VMP1: variants seen among roughly 807,000 people sequenced by gnomAD.
The protein encoded by VMP1 is ectopic P-granules autophagy protein 3 homolog.
VMP1 carries 11 observed loss-of-function variants against 56.0 expected under a neutral mutation model. The ratio of observed to expected loss-of-function variants is 0.20; its 90% CI spans 0.12 to 0.32. The LOEUF (loss-of-function observed/expected upper bound fraction) is 0.32. VMP1 is among the 10% of genes least tolerant of loss of function. The pLI is 1.00. For synonymous variants in VMP1, 149 were observed against 165.0 expected (o/e 0.90, Z 0.74); for missense variants, 296 against 490.3 (o/e 0.60, Z 3.74).
At position 59,719,284 on chromosome 17, in the gene VMP1, A is replaced by G. The variant is rs73994233; in HGVS notation, c.-27+11536A>G. 4.3e-3 allele frequency among the ~76,000 whole-genome samples: 649 copies of G among 151,576 alleles called. 2 individuals carry two copies. Among genetic ancestry groups the G allele is most frequent in the African/African-American group, 0.015 (619 of 41,280 alleles). On this transcript the variant is annotated intron_variant, in intron 1 of 11. Coordinates refer to ENST00000262291, the MANE Select transcript of VMP1 (RefSeq NM_030938.5). ...TGGTGACCTGTGACCATGCTACTGC[A>G]CTCTAGCCTGAGTGACAGAGGAAGA...
Position 59,738,817 on chromosome 17 carries a change from A to T in VMP1, c.304-20A>T, listed in dbSNP as rs2035106932. 6.5e-7 allele frequency: 1 copy of T among 1,541,274 alleles called. No homozygotes were observed. The highest frequency in any genetic ancestry group is 2.3e-5 in the East Asian group (1 of 44,346). ...TCTGTATAGAGAATTCACGGTTTTC[A>T]CCTCATCCCTTTTTTTCAGTATGTG... is the stretch of plus-strand genomic sequence containing the variant. On this transcript the variant is annotated intron_variant, in intron 4 of 11. Transcript: ENST00000262291.
In VMP1 at chr17:59,840,103, C is replaced by G. The variant is rs998055343; in HGVS notation, c.*192C>G. The G allele has an allele frequency of 1.6e-6, 1 of 609,400 alleles. No homozygotes were observed. The highest frequency in any genetic ancestry group is 2.7e-6 in the Non-Finnish European group (1 of 370,804). 37.7% of individuals were successfully genotyped at this position (609,400 alleles called of 1,614,324 possible). A position where few individuals can be genotyped will look rare whatever the true frequency, so the allele number is the denominator to read the frequency against. ...TCTGTGCTAAGGTAAGGTATCCACC[C>G]TCGATGCAATCCACCTTGTGTTTTC... On this transcript the variant is annotated 3_prime_UTR_variant, in exon 12 of 12. Transcript: ENST00000262291.
At chr17:59,750,136 A>G (rs756056999) in intron 5 of VMP1, among the ~76,000 whole-genome samples, 1 of 152,096 alleles carries the variant, frequency 6.6e-6, no homozygotes, top group African/African-American at 2.4e-5. Flanking sequence ...GACCTAATCT[A>G]TATATAGCTT....
chr17:59,789,352 T>C (rs997280926), intron 7 of VMP1, among the ~76,000 whole-genome samples: 1 of 148,414 alleles, frequency 6.7e-6, no homozygotes, highest in Non-Finnish European at 1.5e-5. Context: ...CTGGCCAATA[T>C]GGTGAAACCC....
chr17:59,727,775 C>G (rs191115514), intron 1 of VMP1, among the ~76,000 whole-genome samples: 2 of 152,294 alleles, frequency 1.3e-5, no homozygotes, highest in East Asian at 3.9e-4. Flanking sequence ...TTTATAGTCA[C>G]ACATGCATGC....
chr17:59,746,016 T>C (rs986523545), intron 5 of VMP1, among the ~76,000 whole-genome samples: 4 of 152,246 alleles, frequency 2.6e-5, no homozygotes, highest in African/African-American at 9.6e-5. Flanking sequence ...GTGGAAGGTA[T>C]CTTTTTTGGA....
At chr17:59,804,996 A>G (rs1216652738) in intron 7 of VMP1, among the ~76,000 whole-genome samples, 4 of 152,220 alleles carry the variant, frequency 2.6e-5, no homozygotes, top group Non-Finnish European at 5.9e-5. Flanking sequence ...TAAATACATA[A>G]TAAAATTTGT....
intron 7 of VMP1, among the ~76,000 whole-genome samples, chr17:59,796,139 A>G (rs1040232498): frequency 2.0e-5 from 3 of 152,118 alleles, no homozygotes; most frequent in African/African-American, 7.2e-5. Flanking sequence ...TTCCATACAC[A>G]TACCCTAAAT....
intron 7 of VMP1, among the ~76,000 whole-genome samples, chr17:59,788,448 C>T (rs2037086674): frequency 6.6e-6 from 1 of 151,490 alleles, no homozygotes; most frequent in Admixed American, 6.6e-5. Context: ...GATCCCACCA[C>T]TGCACTCCAG....
At chr17:59,788,263 C>T (rs1467215507) in intron 7 of VMP1, among the ~76,000 whole-genome samples, 2 of 151,532 alleles carry the variant, frequency 1.3e-5, no homozygotes, top group African/African-American at 2.4e-5. Flanking sequence ...CTGAGGGGGA[C>T]GGATCACAAA....
intron 1 of VMP1, among the ~76,000 whole-genome samples, chr17:59,716,764 C>G (rs961289547): frequency 1.2e-4 from 18 of 146,580 alleles, no homozygotes; most frequent in Non-Finnish European, 2.6e-4. Context: ...ATCCAAAACT[C>G]TACCCTTGTG....
chr17:59,832,533 CCTT>C (rs1486001567), intron 10 of VMP1, among the ~76,000 whole-genome samples: 3 of 151,882 alleles, frequency 2.0e-5, no homozygotes, highest in African/African-American at 4.8e-5. Flanking sequence ...CATTTGTTCT[CCTT>C]CTACTTTATG....
At position 59,840,126 on chromosome 17, in the gene VMP1, T is replaced by C; in HGVS notation, c.*215T>C. ...CCCTCGATGCAATCCACCTTGTGTTTTCTTAGGGTGGAATGTGATGTTCAG... is the reference window on the plus strand; with the variant it reads ...CCCTCGATGCAATCCACCTTGTGTTCTCTTAGGGTGGAATGTGATGTTCAG... On this transcript the variant is annotated 3_prime_UTR_variant, in exon 12 of 12. Transcript: ENST00000262291. 1.9e-6 allele frequency: 1 copy of C among 532,764 alleles called. No homozygotes were observed. Among genetic ancestry groups the C allele is most frequent in the Non-Finnish European group, 3.2e-6 (1 of 313,888 alleles). 33.0% of individuals were successfully genotyped at this position (532,764 alleles called of 1,614,324 possible). A position where few individuals can be genotyped will look rare whatever the true frequency, so the allele number is the denominator to read the frequency against.
intron 5 of VMP1, among the ~76,000 whole-genome samples, chr17:59,739,723 C>CAA (rs35210425): frequency 3.0e-3 from 126 of 41,530 alleles, no homozygotes; most frequent in African/African-American, 0.011. Context: ...GACTCTGTCT[C>CAA]AAAAAAAAAA....
At chr17:59,711,344 T>C (rs900728722) in intron 1 of VMP1, among the ~76,000 whole-genome samples, 1 of 152,180 alleles carries the variant, frequency 6.6e-6, no homozygotes, top group Non-Finnish European at 1.5e-5. Context: ...TCGGAGATGA[T>C]AGTTCTAGGT....
intron 1 of VMP1, among the ~76,000 whole-genome samples, chr17:59,723,626 CTCTTT>C (rs1454113431): frequency 6.6e-6 from 1 of 152,100 alleles, no homozygotes; most frequent in Non-Finnish European, 1.5e-5. Flanking sequence ...ATGTCGGCAA[CTCTTT>C]TGAGCACTGT....
chr17:59,723,532 G>A (rs929097985), intron 1 of VMP1, among the ~76,000 whole-genome samples: 5 of 152,142 alleles, frequency 3.3e-5, no homozygotes, highest in Non-Finnish European at 5.9e-5. Flanking sequence ...CTTCACAAAA[G>A]CAATTTATTT....
intron 6 of VMP1, among the ~76,000 whole-genome samples, chr17:59,771,903 A>G (rs1218646469): frequency 2.0e-5 from 3 of 151,846 alleles, no homozygotes; most frequent in African/African-American, 4.8e-5. Flanking sequence ...TTAGCAATAT[A>G]TATGATTTGG....
At chr17:59,781,268 T>A (rs1353128876) in intron 7 of VMP1, among the ~76,000 whole-genome samples, 5 of 152,188 alleles carry the variant, frequency 3.3e-5, no homozygotes, top group Admixed American at 3.3e-4. Flanking sequence ...GCATATTTTT[T>A]AATTATACAA....
Sources: gnomAD v4.1 joint callset for allele counts (sites outside exome capture counted in the v4.1 genomes callset) on GRCh38, gnomAD v4.1.1 for gene constraint, MANE v1.5 for transcripts, NCBI Gene and HGNC (gene_info 2026-07-23, HGNC 2026-07-21) for gene names.